HSD17B14: variants seen among roughly 807,000 people sequenced by gnomAD.
The protein encoded by HSD17B14 is L-fucose dehydrogenase.
In HSD17B14, 32 loss-of-function variants were observed where a neutral mutation model predicts 32.2. That is an observed-to-expected ratio of 0.99 (90% CI 0.75 to 1.33). The LOEUF is 1.33. Ranked by LOEUF, HSD17B14 falls within the 40% of genes most tolerant of loss-of-function variation. The pLI is 0.00. For missense variants in HSD17B14, 370 were observed against 366.5 expected, an observed-to-expected ratio of 1.01 and a Z score of -0.08; for synonymous variants, 140 against 155.4, an observed-to-expected ratio of 0.90 and a Z score of 0.74.
At position 48,836,315 on chromosome 19, in the gene HSD17B14, C is replaced by A. The variant is rs780864618; in HGVS notation, c.88+9G>T. On this transcript the variant is annotated intron_variant, in intron 1 of 8. Coordinates refer to ENST00000263278, the MANE Select transcript of HSD17B14 (RefSeq NM_016246.3). The stretch of plus-strand genomic sequence containing the variant: ...ACTCCACAGCTCCCAGCAGTCAGAC[C>A]CGGCTCACCGAAGGCGCGCACGATC... The A allele has an allele frequency of 6.2e-7, 1 of 1,613,628 alleles. No individual in the cohort carries two copies. Among genetic ancestry groups the A allele is most frequent in the Non-Finnish European group, 8.5e-7 (1 of 1,179,796 alleles).
At chr19:48,817,882 G>T (rs1469278512) in intron 5 of HSD17B14, among the ~76,000 whole-genome samples, 1 of 152,200 alleles carries the variant, frequency 6.6e-6, no homozygotes, top group African/African-American at 2.4e-5. Context: ...CATTTCACAA[G>T]CGAGGAGACT....
chr19:48,826,528 A>AAAAAAAAAATAT (rs777368104), intron 5 of HSD17B14, among the ~76,000 whole-genome samples: 2 of 23,096 alleles, frequency 8.7e-5, no homozygotes, highest in African/African-American at 2.3e-4. Context: ...AAAAGAAGAA[A>AAAAAAAAAATAT]ATATATATAT....
chr19:48,814,887 C>T, intron 6 of HSD17B14, 150 bp downstream of exon 6: 1 of 566,356 alleles, frequency 1.8e-6, no homozygotes, highest in Non-Finnish European at 3.2e-6. Context: ...CTGTCACAGG[C>T]AGTTATGCCT....
At chr19:48,832,565 C>A in intron 4 of HSD17B14, 101 bp downstream of exon 4, 1 of 1,026,358 alleles carries the variant, frequency 9.7e-7, no homozygotes. Context: ...AGGTATGAGG[C>A]AGGATGAGGG....
intron 6 of HSD17B14, among the ~76,000 whole-genome samples, 170 bp from the exon 7 acceptor site, chr19:48,813,900 A>G (rs1397838563): frequency 6.6e-6 from 1 of 152,158 alleles, no homozygotes; most frequent in East Asian, 1.9e-4. Context: ...TGGCATAGAA[A>G]TCTGTCACAG....
chr19:48,826,542 T>TATATATATATATATAC, intron 5 of HSD17B14, among the ~76,000 whole-genome samples: 65 of 80,054 alleles, frequency 8.1e-4, no homozygotes, highest in East Asian at 2.8e-3. Context: ...TATATATATA[T>TATATATATATATATAC]ACACACACAC....
intron 5 of HSD17B14, among the ~76,000 whole-genome samples, chr19:48,816,667 A>G (rs561195107): frequency 1.1e-4 from 16 of 152,282 alleles, no homozygotes; most frequent in Non-Finnish European, 2.2e-4. Context: ...TTAAAGCTGC[A>G]AGCCAGGATC....
chr19:48,816,834 C>CTTTTTCTT (rs2035065464), intron 5 of HSD17B14, among the ~76,000 whole-genome samples: 2 of 36,650 alleles, frequency 5.5e-5, no homozygotes, highest in South Asian at 1.3e-3. Flanking sequence ...TTTTCTTTCT[C>CTTTTTCTT]TCTCTCTCTC....
At chr19:48,826,538 T>TACAC (rs2035252321) in intron 5 of HSD17B14, among the ~76,000 whole-genome samples, 1 of 93,952 alleles carries the variant, frequency 1.1e-5, no homozygotes, top group African/African-American at 5.6e-5. Flanking sequence ...AATATATATA[T>TACAC]ATATACACAC....
At chr19:48,821,924 T>C (rs1001706161) in intron 5 of HSD17B14, among the ~76,000 whole-genome samples, 3 of 75,738 alleles carry the variant, frequency 4.0e-5, no homozygotes, top group African/African-American at 1.4e-4. Flanking sequence ...AATGGTGATG[T>C]TGGTGAGGAT....
chr19:48,834,435 C>G (rs1439021149), intron 2 of HSD17B14, 77 bp from the exon 3 acceptor site: 2 of 877,092 alleles, frequency 2.3e-6, no homozygotes, highest in African/African-American at 1.8e-5. Flanking sequence ...ACTCCTGGGT[C>G]TGAGGGAGGA....
intron 6 of HSD17B14, among the ~76,000 whole-genome samples, chr19:48,814,528 AAAAG>A (rs147097060): frequency 0.14 from 21,220 of 150,944 alleles, 1,995 homozygotes; most frequent in Non-Finnish European, 0.21. Flanking sequence ...ATCTCAAAAA[AAAAG>A]AAAGAAAGAA....
Position 48,815,138 on chromosome 19 carries a change from C to G in HSD17B14, c.373G>C (p.Ala125Pro). ...TGACTCTTCCGCAGGTAGGGGAGGG[C>G]GAGCTAGGGAGACAAGAGGCCAAGT... ...LLGTYTLTKL[A>P]LPYLRKSQGN... The change falls in exon 6 of 9, where the codon GCC becomes CCC. Residue 125 changes from alanine to proline, a missense_variant. Coordinates refer to ENST00000263278, the MANE Select transcript of HSD17B14 (RefSeq NM_016246.3). The G allele has an allele frequency of 6.2e-7, 1 of 1,613,116 alleles. No individual in the cohort carries two copies. The highest frequency in any genetic ancestry group is 2.2e-5 in the East Asian group (1 of 44,868).
At chr19:48,827,336 C>A (rs941810096) in intron 5 of HSD17B14, among the ~76,000 whole-genome samples, 3 of 151,858 alleles carry the variant, frequency 2.0e-5, no homozygotes, top group African/African-American at 7.3e-5. Flanking sequence ...AGCCACCGTG[C>A]CTGGCAAGGA....
rs1022704482 is a variant in HSD17B14 at position 48,834,489 on chromosome 19, G to A, written c.128-131C>T. On this transcript the variant is annotated intron_variant, in intron 2 of 8. Transcript: ENST00000263278. ...TCCTGGGTCTGAGGGAGGAGGGGCT[G>A]AGGTCTGGACTCCTGGGTCTGAGGA... The A allele has an allele frequency of 7.8e-5, 38 of 486,690 alleles. 1 individual carries two copies. Among genetic ancestry groups the A allele is most frequent in the East Asian group, 1.2e-4 (3 of 25,470 alleles). 30.1% of individuals were successfully genotyped at this position (486,690 alleles called of 1,614,324 possible).
chr19:48,833,509 T>C (rs2035384319), intron 3 of HSD17B14, among the ~76,000 whole-genome samples: 1 of 151,778 alleles, frequency 6.6e-6, no homozygotes, highest in South Asian at 2.1e-4. Flanking sequence ...CTGGCCAACA[T>C]GGTGAAACCC....
At chr19:48,823,342 C>A (rs549098460) in intron 5 of HSD17B14, among the ~76,000 whole-genome samples, 1 of 151,894 alleles carries the variant, frequency 6.6e-6, no homozygotes, top group Non-Finnish European at 1.5e-5. Context: ...CCTAGGAAGT[C>A]GGGACTGCAG....
At chr19:48,814,840 A>T (rs1313448358) in intron 6 of HSD17B14, among the ~76,000 whole-genome samples, 197 bp downstream of exon 6, 1 of 101,160 alleles carries the variant, frequency 9.9e-6, no homozygotes, top group African/African-American at 4.0e-5. Context: ...CTCCATCTTT[A>T]AAAAAAAAAA....
At chr19:48,830,170 C>A (rs1362245082) in intron 5 of HSD17B14, among the ~76,000 whole-genome samples, 2 of 152,142 alleles carry the variant, frequency 1.3e-5, no homozygotes, top group East Asian at 3.9e-4. Context: ...GCCCCTTAAC[C>A]CAACCCCCCT....
Sources: gnomAD v4.1 joint callset for allele counts (sites outside exome capture counted in the v4.1 genomes callset) on GRCh38, gnomAD v4.1.1 for gene constraint, MANE v1.5 for transcripts, NCBI Gene and HGNC (gene_info 2026-07-23, HGNC 2026-07-21) for gene names.